DPPA4: variants seen among roughly 807,000 people sequenced by gnomAD.
DPPA4 encodes developmental pluripotency associated 4.
In DPPA4, 22 loss-of-function variants were observed where a neutral mutation model predicts 33.7. That is an observed-to-expected ratio of 0.65 (90% CI 0.47 to 0.93). The LOEUF (loss-of-function observed/expected upper bound fraction) is 0.93, where lower values mean the gene tolerates loss of function less well. Among genes scored for constraint, DPPA4 ranks in the 40% least tolerant of loss-of-function variants. The pLI, the probability that DPPA4 is intolerant of heterozygous loss-of-function variation, is 0.00. For synonymous variants in DPPA4, 156 were observed against 132.3 expected (o/e 1.18, Z -1.23); for missense variants, 340 against 358.6 (o/e 0.95, Z 0.42).
intron 1 of DPPA4, chr3:109,336,477 G>C (rs1708215963): frequency 6.6e-6 from 1 of 152,060 alleles, no homozygotes; most frequent in South Asian, 2.1e-4. Context: ...CCCAATGTCT[G>C]GCTTCTGATT....
chr3:109,333,831 C>T, intron 2 of DPPA4, 39 bp downstream of exon 2: 1 of 1,607,854 alleles, frequency 6.2e-7, no homozygotes, highest in Non-Finnish European at 8.5e-7. Context: ...GCTTCTAAGA[C>T]CCGAGAAGGT....
intron 2 of DPPA4, among the ~76,000 whole-genome samples, chr3:109,332,704 G>A (rs1008857236): frequency 6.6e-6 from 1 of 152,122 alleles, no homozygotes; most frequent in African/African-American, 2.4e-5. Flanking sequence ...CCTAGGTCAG[G>A]GAAGCACTCT....
At position 109,330,651 on chromosome 3, in the gene DPPA4, A is replaced by T. The variant is rs774037203; in HGVS notation, c.552T>A (p.Ala184=). The part of the protein sequence containing the change: ...GEPPALENST[A]LLEGVNTVVV... ...CAACTGTATTAACTCCCTCAAGGAG[A>T]GCAGTGGAATTTTCCAGGGCAGGCG... Residue 184 remains alanine (A), a synonymous_variant, in exon 5 of 7, where the codon GCT becomes GCA. Coordinates refer to ENST00000335658, the MANE Select transcript of DPPA4 (RefSeq NM_018189.4). The T allele has an allele frequency of 6.2e-7, 1 of 1,614,138 alleles. No individual in the cohort carries two copies. The highest frequency in any genetic ancestry group is 1.1e-5 in the South Asian group (1 of 91,088).
Position 109,337,504 on chromosome 3 carries a change from G to A in DPPA4, c.14C>T (p.Ser5Phe), listed in dbSNP as rs756761279. The change falls in exon 1 of 7, where the codon TCC (serine) becomes TTC (phenylalanine). Residue 5 changes from serine to phenylalanine, a missense_variant. Ser to Phe is a radical substitution (Grantham distance 155, BLOSUM62 -2). Around this residue, in one of 3 missense-constraint regions of DPPA4, gnomAD observed 96 missense variants for 91.8 expected, o/e 1.05. Transcript: ENST00000335658. ...CTTCTCCATACTTGTAGAAGAAGCG[G>A]AGCCTCGCAACATGCTTCCAAAATG... is the stretch of plus-strand genomic sequence containing the variant. MLRG[S>F]ASSTSMEKAK... The A allele has an allele frequency of 6.2e-7, 1 of 1,614,086 alleles. No individual in the cohort carries two copies. Among genetic ancestry groups the A allele is most frequent in the East Asian group, 2.2e-5 (1 of 44,860 alleles).
upstream of DPPA4, chr3:109,337,636 C>A: frequency 1.2e-6 from 1 of 834,324 alleles, no homozygotes; most frequent in South Asian, 1.5e-5. Flanking sequence ...CCTTCTGTTC[C>A]CTCCCCCACA....
intron 5 of DPPA4, 191 bp downstream of exon 5, chr3:109,330,316 AAAAAAAAAAAAAAAAGG>A (rs1708036768): frequency 6.6e-5 from 2 of 30,382 alleles, no homozygotes; most frequent in Non-Finnish European, 1.1e-4. Flanking sequence ...AAAAAAAAAA[AAAAAAAAAAAAAAAAGG>A]AAAAAAAAAA....
intron 1 of DPPA4, 47 bp downstream of exon 1, chr3:109,337,417 G>A (rs1337538372): frequency 1.3e-6 from 2 of 1,584,556 alleles, no homozygotes; most frequent in East Asian, 2.2e-5. Flanking sequence ...AGGGAAGACA[G>A]AAACACAAAG....
At chr3:109,337,594 T>C (rs1052281844), upstream of DPPA4, 6 of 1,286,462 alleles carry the variant, frequency 4.7e-6, no homozygotes, top group Non-Finnish European at 6.8e-6. Context: ...AAGACCCTTT[T>C]TCTCTCCACC....
At chr3:109,332,058 A>G (rs1174193504) in intron 2 of DPPA4, 27 bp from the exon 3 acceptor site, 2 of 1,531,494 alleles carry the variant, frequency 1.3e-6, no homozygotes, top group Non-Finnish European at 1.8e-6. Context: ...TCAAATGAGT[A>G]GTAATTATCT....
intron 5 of DPPA4, 174 bp downstream of exon 5, chr3:109,330,345 AGAAAT>A: frequency 1.8e-6 from 1 of 548,100 alleles, no homozygotes; most frequent in Non-Finnish European, 3.2e-6. Context: ...AAAAAAAAAA[AGAAAT>A]GCAAATAAAT....
chr3:109,338,663 G>A (rs1286887842), upstream of DPPA4, among the ~76,000 whole-genome samples: 1 of 152,242 alleles, frequency 6.6e-6, no homozygotes, highest in East Asian at 1.9e-4. Context: ...GTAAGTAAAC[G>A]GAGCCCAGGA....
chr3:109,334,602 C>A (rs1052067030), intron 1 of DPPA4, among the ~76,000 whole-genome samples: 1 of 151,936 alleles, frequency 6.6e-6, no homozygotes, highest in African/African-American at 2.4e-5. Context: ...AATTTTTTCC[C>A]CCAGTCCTTC....
chr3:109,337,288 A>G (rs1708234207), intron 1 of DPPA4, among the ~76,000 whole-genome samples, 176 bp downstream of exon 1: 1 of 151,686 alleles, frequency 6.6e-6, no homozygotes, highest in Admixed American at 6.6e-5. Context: ...GCTCACTCCA[A>G]TATACCAGGC....
In DPPA4 at chr3:109,331,902, C is replaced by T; in HGVS notation, c.308G>A (p.Cys103Tyr). 2 of 1,614,128 alleles carry T rather than the reference C, an allele frequency of 1.2e-6. No homozygotes were observed. Among genetic ancestry groups the T allele is most frequent in the Non-Finnish European group, 1.7e-6 (2 of 1,180,036 alleles). ...LIHRDILRAW[C>Y]QQLKLSSKGQ... ...TTTGGAGCTCAGCTTCAATTGTTGG[C>T]ACCAGGCCCGCAGAATGTCCCGGTG... The change falls in exon 3 of 7, where the codon TGC becomes TAC. Residue 103 changes from cysteine to tyrosine, a missense_variant. Transcript: ENST00000335658.
At chr3:109,328,364 A>G (rs1460390117) in intron 6 of DPPA4, among the ~76,000 whole-genome samples, 1 of 152,200 alleles carries the variant, frequency 6.6e-6, no homozygotes, top group Non-Finnish European at 1.5e-5. Flanking sequence ...AAACACTCAC[A>G]GCAAAAAGTA....
At chr3:109,331,333 A>G (rs1415416750) in intron 4 of DPPA4, among the ~76,000 whole-genome samples, 1 of 149,894 alleles carries the variant, frequency 6.7e-6, no homozygotes, top group Non-Finnish European at 1.5e-5. Flanking sequence ...AGAAAAAAAG[A>G]AAATTGCTGG....
In DPPA4 at chr3:109,326,835, G is replaced by A. The variant is rs890844254; in HGVS notation, c.*1153C>T. The A allele has an allele frequency of 2.0e-5, 3 of 152,032 alleles. No individual in the cohort carries two copies. Among genetic ancestry groups the A allele is most frequent in the African/African-American group, 7.3e-5 (3 of 41,370 alleles). 9.4% of individuals were successfully genotyped at this position (152,032 alleles called of 1,614,324 possible). A position where few individuals can be genotyped will look rare whatever the true frequency, so the allele number is the denominator to read the frequency against. ...CCACCAACTAATAAAGAACAAACGA[G>A]TCATACAAAAGAAAAATCACACTTT... On this transcript the variant is annotated 3_prime_UTR_variant, in exon 7 of 7. Coordinates refer to ENST00000335658, the MANE Select transcript of DPPA4 (RefSeq NM_018189.4).
intron 4 of DPPA4, among the ~76,000 whole-genome samples, chr3:109,331,361 C>T (rs1257698025): frequency 2.1e-5 from 3 of 142,246 alleles, no homozygotes; most frequent in South Asian, 2.3e-4. Flanking sequence ...CAGTGGTTCA[C>T]GCCTGTAATC....
intron 6 of DPPA4, 64 bp from the exon 7 acceptor site, chr3:109,328,088 A>G: frequency 9.4e-7 from 1 of 1,067,672 alleles, no homozygotes; most frequent in Non-Finnish European, 1.4e-6. Context: ...TAGCCAAGAA[A>G]CCCGCTGCTG....
Sources: gnomAD v4.1 joint callset for allele counts (sites outside exome capture counted in the v4.1 genomes callset) on GRCh38, gnomAD v4.1.1 for gene constraint, gnomAD v4.1.1 regional missense constraint, MANE v1.5 for transcripts, NCBI Gene and HGNC (gene_info 2026-07-23, HGNC 2026-07-21) for gene names.